Variants in ZFX observed in about 807,000 individuals in gnomAD.
ZFX encodes zinc finger protein X-linked.
For synonymous variants in ZFX, 196 were observed against 226.8 expected (o/e 0.86, Z 1.22); for missense variants, 362 against 628.3 (o/e 0.58, Z 4.53).
intron 5 of ZFX, among the ~76,000 whole-genome samples, chrX:24,183,824 GGCTCACTGCAA>G (rs1569148270): frequency 5.0e-5 from 3 of 59,945 alleles, no homozygotes; most frequent in Non-Finnish European, 9.8e-5. Context: ...CCTCCACCCC[GGCTCACTGCAA>G]CCTCCACCCC....
intron 7 of ZFX, 81 bp from the exon 8 acceptor site, chrX:24,208,137 A>G (rs1296759884): frequency 8.9e-6 from 10 of 1,124,257 alleles, no homozygotes; most frequent in South Asian, 2.0e-5. Context: ...CATTTTGTCT[A>G]TTAACTGAAT....
At chrX:24,177,821 AAAG>A in intron 4 of ZFX, 5 of 754,579 alleles carry the variant, frequency 6.6e-6, no homozygotes, top group Non-Finnish European at 7.8e-6. Flanking sequence ...GGAGAGATGG[AAAG>A]AAGAACAAAT....
At chrX:24,186,145 T>A (rs1203644869) in intron 5 of ZFX, among the ~76,000 whole-genome samples, 1 of 111,429 alleles carries the variant, frequency 9.0e-6, no homozygotes, top group East Asian at 2.8e-4. Context: ...AATCTTATAT[T>A]TATTAAACAC....
chrX:24,187,634 AAGG>A (rs1395526112), intron 5 of ZFX, among the ~76,000 whole-genome samples: 1 of 111,753 alleles, frequency 8.9e-6, no homozygotes, highest in African/African-American at 3.3e-5. Flanking sequence ...ACATGAGAAA[AAGG>A]AATCATATAT....
At chrX:24,204,567 C>T (rs1259135553) in intron 5 of ZFX, among the ~76,000 whole-genome samples, 1 of 112,143 alleles carries the variant, frequency 8.9e-6, no homozygotes, top group Non-Finnish European at 1.9e-5. Context: ...ACTGATTATG[C>T]CTGCCTGAGT....
At chrX:24,175,037 G>C in intron 4 of ZFX, among the ~76,000 whole-genome samples, 1 of 112,017 alleles carries the variant, frequency 8.9e-6, no homozygotes, top group South Asian at 3.7e-4. Context: ...AAATCCAGTG[G>C]GGATGTGTGT....
chrX:24,184,317 G>T lies in ZFX; in HGVS notation c.646+4547G>T, dbSNP rs975511525. Among the ~76,000 whole-genome samples, 10 of 111,178 alleles carry T rather than the reference G, an allele frequency of 9.0e-5. No homozygotes were observed. The South Asian group carries it at 3.8e-3, about 42-fold the overall frequency. On this transcript the variant is annotated intron_variant, in intron 5 of 9. Coordinates refer to ENST00000304543, the MANE Select transcript of ZFX (RefSeq NM_003410.4). The stretch of plus-strand genomic sequence containing the variant: ...AGAGGGCCTGGTGAAATACTGAAGA[G>T]GATAAAGCACTCTCGCTTCTCCTTG...
intron 5 of ZFX, among the ~76,000 whole-genome samples, chrX:24,188,465 T>A (rs1485011162): frequency 9.0e-6 from 1 of 111,606 alleles, no homozygotes; most frequent in Non-Finnish European, 1.9e-5. Flanking sequence ...AATAAAATGT[T>A]CATGAGGTGG....
intron 5 of ZFX, among the ~76,000 whole-genome samples, chrX:24,181,603 T>C (rs2147705908): frequency 8.9e-6 from 1 of 112,229 alleles, no homozygotes; most frequent in South Asian, 3.7e-4. Context: ...TTTGTGTACG[T>C]TCTATTTTAT....
In ZFX at chrX:24,177,465, G is replaced by T. The variant is rs190869229; in HGVS notation, c.59-1718G>T. The stretch of plus-strand genomic sequence containing the variant: ...TCCGAGGAACTGCCTTGGGAGTTCG[G>T]GTCTAGGGGGACGGGAGGAGGCTAG... On this transcript the variant is annotated intron_variant, in intron 4 of 9. Transcript: ENST00000304543. Among the ~76,000 whole-genome samples, 744 of 110,488 alleles carry T rather than the reference G, an allele frequency of 6.7e-3. 8 individuals are homozygous for T. Among genetic ancestry groups the T allele is most frequent in the African/African-American group, 0.023 (698 of 30,146 alleles).
intron 5 of ZFX, among the ~76,000 whole-genome samples, chrX:24,206,500 C>CGTGTGTGTGTGTGTGT (rs774457469): frequency 3.4e-5 from 2 of 59,607 alleles, no homozygotes; most frequent in African/African-American, 7.1e-5. Flanking sequence ...CCATGCCTGG[C>CGTGTGTGTGTGTGTGT]GTGTGTGTGT....
Position 24,210,719 on chromosome X carries a change from C to G in ZFX, c.1761C>G (p.Asp587Glu). Residue 587 changes from aspartate (D) to glutamate (E), a missense_variant, in exon 10 of 10, where the codon GAC becomes GAG. Asp to Glu is a conservative substitution (Grantham distance 45, BLOSUM62 2). Transcript: ENST00000304543. Reference protein sequence around the residue: ...QCQYCEYRSADSSNLKTHVKT... With the variant: ...QCQYCEYRSAESSNLKTHVKT... ...AGTACTGCGAATATAGGTCTGCAGA[C>G]TCTTCTAACTTGAAAACGCATGTCA... 8.3e-7 allele frequency: 1 copy of G among 1,211,351 alleles called. No homozygotes were observed. The highest frequency in any genetic ancestry group is 2.2e-5 in the Admixed American group (1 of 45,953).
intron 5 of ZFX, among the ~76,000 whole-genome samples, chrX:24,192,947 ACTTCT>A (rs1250910029): frequency 9.1e-6 from 1 of 109,492 alleles, no homozygotes; most frequent in Non-Finnish European, 1.9e-5. Flanking sequence ...CTGTTTAATG[ACTTCT>A]CTTTTCTGGG....
At chrX:24,165,127 C>CT (rs1933873841) in intron 3 of ZFX, among the ~76,000 whole-genome samples, 1 of 78,491 alleles carries the variant, frequency 1.3e-5, no homozygotes, top group Non-Finnish European at 2.5e-5. Context: ...ATTTTCTTTT[C>CT]TTTCTTTTTT....
rs1194542995 is a variant in ZFX, at chrX:24,152,754, G to C, written c.-105G>C. On this transcript the variant is annotated 5_prime_UTR_variant, in exon 3 of 10. Transcript: ENST00000304543. ...ACATAGAAGAACTATTAAGAAGATAGAATTGTTTTGCTGCGCAGTACAGCA... is the reference window on the plus strand; with the variant it reads ...ACATAGAAGAACTATTAAGAAGATACAATTGTTTTGCTGCGCAGTACAGCA... The C allele has an allele frequency of 1.8e-5, 2 of 112,314 alleles. No individual in the cohort carries two copies. The highest frequency in any genetic ancestry group is 6.5e-5 in the African/African-American group (2 of 30,913). The allele number at this position is 112,314 out of a possible 1,213,427, so 9.3% of individuals were successfully genotyped here.
chrX:24,207,302 G>A (rs370808747), intron 5 of ZFX, 24 bp from the exon 6 acceptor site: 1 of 862,419 alleles, frequency 1.2e-6, no homozygotes, highest in East Asian at 4.1e-5. Context: ...GTTACTATTT[G>A]TGATTTATTT....
At chrX:24,201,990 C>T (rs1195213838) in intron 5 of ZFX, among the ~76,000 whole-genome samples, 1 of 111,482 alleles carries the variant, frequency 9.0e-6, no homozygotes, top group African/African-American at 3.3e-5. Context: ...GTTGTTTTCT[C>T]ACTGATTATC....
At chrX:24,190,687 G>T (rs1281534885) in intron 5 of ZFX, among the ~76,000 whole-genome samples, 2 of 111,599 alleles carry the variant, frequency 1.8e-5, no homozygotes, top group African/African-American at 3.3e-5. Flanking sequence ...GGCTTGGGGA[G>T]GGAAGAGAAA....
chrX:24,185,359 G>A (rs1422515961), intron 5 of ZFX, among the ~76,000 whole-genome samples: 1 of 111,838 alleles, frequency 8.9e-6, no homozygotes, highest in Non-Finnish European at 1.9e-5. Context: ...TTTACTATTG[G>A]CTTTGGGATC....
Sources: gnomAD v4.1 joint callset for allele counts (sites outside exome capture counted in the v4.1 genomes callset) on GRCh38, gnomAD v4.1.1 for gene constraint, MANE v1.5 for transcripts, NCBI Gene and HGNC (gene_info 2026-07-23, HGNC 2026-07-21) for gene names.